The following PLPPR1 variants were observed in gnomAD, a reference collection of about 807,000 sequenced individuals.
The protein encoded by PLPPR1 is phospholipid phosphatase-related protein type 1.
Under a neutral mutation model 33.1 loss-of-function variants are expected in PLPPR1, and 10 were observed. The ratio of observed to expected loss-of-function variants is 0.30; its 90% CI spans 0.19 to 0.51. PLPPR1 has a LOEUF of 0.51. Ranked by LOEUF, PLPPR1 falls within the 20% of genes least tolerant of loss-of-function variation. PLPPR1 has a pLI of 0.97. For missense variants in PLPPR1, 304 were observed against 408.1 expected (o/e 0.74, Z 2.20); for synonymous variants, 151 against 151.0 (o/e 1.00, Z 0.00).
chr9:101,089,085 C>G (rs1490759269), intron 1 of PLPPR1, among the ~76,000 whole-genome samples: 2 of 152,100 alleles, frequency 1.3e-5, no homozygotes, highest in Admixed American at 1.3e-4. Flanking sequence ...TTCTAGGAGA[C>G]TGGCGTATAA....
At chr9:101,183,691 TTGTGTGTGTGTGTGTGTG>T (rs66895172) in intron 1 of PLPPR1, among the ~76,000 whole-genome samples, 110,198 of 150,194 alleles carry the variant, frequency 0.73, 41,072 homozygotes, top group Non-Finnish European at 0.81. Flanking sequence ...TCCCGTCTCT[TTGTGTGTGTGTGTGTGTG>T]TGTGTGTGTG....
At chr9:101,239,235 A>C (rs574592035) in intron 2 of PLPPR1, among the ~76,000 whole-genome samples, 1 of 152,060 alleles carries the variant, frequency 6.6e-6, no homozygotes, top group African/African-American at 2.4e-5. Context: ...ATGAATACCC[A>C]GTAGTGGGAT....
chr9:101,227,746 A>T (rs1305575689), intron 2 of PLPPR1, among the ~76,000 whole-genome samples: 1 of 152,102 alleles, frequency 6.6e-6, no homozygotes, highest in Non-Finnish European at 1.5e-5. Flanking sequence ...TATTCAGAAG[A>T]TGTGAAGTTT....
intron 1 of PLPPR1, among the ~76,000 whole-genome samples, chr9:101,075,409 C>T (rs1830524034): frequency 6.6e-6 from 1 of 152,188 alleles, no homozygotes; most frequent in Admixed American, 6.5e-5. Flanking sequence ...AATGAACATT[C>T]CACCAGCTTT....
intron 1 of PLPPR1, among the ~76,000 whole-genome samples, chr9:101,183,511 T>C (rs1826153279): frequency 6.6e-6 from 1 of 151,738 alleles, no homozygotes; most frequent in Admixed American, 6.6e-5. Flanking sequence ...AAGGAGTTGA[T>C]GGTGGGAATT....
At chr9:101,242,178 A>C (rs1004507366) in intron 2 of PLPPR1, among the ~76,000 whole-genome samples, 1 of 151,660 alleles carries the variant, frequency 6.6e-6, no homozygotes, top group Non-Finnish European at 1.5e-5. Context: ...TGAGTGAGTG[A>C]CTTTGGAGTG....
At chr9:101,154,298 C>T (rs374369701) in intron 1 of PLPPR1, among the ~76,000 whole-genome samples, 1,544 of 152,216 alleles carry the variant, frequency 0.01, 25 homozygotes, top group African/African-American at 0.029. Flanking sequence ...CCAGCTCCTC[C>T]TTGTACCTCT....
At chr9:101,267,844 G>T (rs377394297) in intron 2 of PLPPR1, among the ~76,000 whole-genome samples, 2 of 152,000 alleles carry the variant, frequency 1.3e-5, no homozygotes, top group African/African-American at 4.8e-5. Context: ...TTCCTCTTTG[G>T]TATCTCTGTT....
At chr9:101,134,372 C>A (rs2118619124) in intron 1 of PLPPR1, among the ~76,000 whole-genome samples, 1 of 146,938 alleles carries the variant, frequency 6.8e-6, no homozygotes, top group African/African-American at 2.4e-5. Flanking sequence ...ATATTGTGGT[C>A]TGTAAGAACA....
intron 4 of PLPPR1, among the ~76,000 whole-genome samples, chr9:101,293,774 T>C (rs1014105903): frequency 6.6e-6 from 1 of 151,822 alleles, no homozygotes; most frequent in Non-Finnish European, 1.5e-5. Context: ...AGACACAACA[T>C]ACCAGAATCT....
chr9:101,290,830 C>T (rs182269149), intron 4 of PLPPR1, among the ~76,000 whole-genome samples: 1 of 152,334 alleles, frequency 6.6e-6, no homozygotes, highest in Admixed American at 6.5e-5. Context: ...AGGAACAGCT[C>T]CAGTCTACAG....
intron 1 of PLPPR1, among the ~76,000 whole-genome samples, chr9:101,044,208 G>T (rs1220261616): frequency 1.3e-5 from 2 of 152,090 alleles, no homozygotes; most frequent in African/African-American, 4.8e-5. Context: ...CAAAAAATAG[G>T]CTAAGGAAAT....
intron 2 of PLPPR1, among the ~76,000 whole-genome samples, chr9:101,238,828 G>A (rs1230027468): frequency 6.6e-6 from 1 of 151,732 alleles, no homozygotes; most frequent in African/African-American, 2.4e-5. Context: ...CAGAACACCA[G>A]AAGTCATTCC....
chr9:101,164,236 C>T (rs1825815642), intron 1 of PLPPR1, among the ~76,000 whole-genome samples: 1 of 152,104 alleles, frequency 6.6e-6, no homozygotes, highest in South Asian at 2.1e-4. Context: ...AACCTGGGCA[C>T]TCTGCTTAAA....
At position 101,312,848 on chromosome 9, in the gene PLPPR1, G is replaced by A. The variant is rs767313674; in HGVS notation, c.687G>A (p.Pro229=). Residue 229 remains proline (P), a synonymous_variant, in exon 6 of 8, where the codon CCG becomes CCA. Coordinates refer to ENST00000374874, the MANE Select transcript of PLPPR1 (RefSeq NM_207299.2). The part of the protein sequence containing the change: ...IKTKSSRLAK[P]VLCLGTLCTA... ...CGAAGAGCAGTCGACTGGCCAAGCC[G>A]GTGCTGTGCCTCGGAACTCTCTGCA... 1.6e-5 allele frequency: 26 copies of A among 1,614,042 alleles called. No homozygotes were observed. The highest frequency in any genetic ancestry group is 6.7e-5 in the East Asian group (3 of 44,878).
At chr9:101,112,687 G>T (rs1831071514) in intron 1 of PLPPR1, among the ~76,000 whole-genome samples, 1 of 152,188 alleles carries the variant, frequency 6.6e-6, no homozygotes, top group African/African-American at 2.4e-5. Flanking sequence ...GGAAATGTGG[G>T]AATGAGGAAT....
chr9:101,135,939 A>G (rs112890041), intron 1 of PLPPR1, among the ~76,000 whole-genome samples: 1 of 152,342 alleles, frequency 6.6e-6, no homozygotes, highest in African/African-American at 2.4e-5. Context: ...TTAGATGGCT[A>G]TGCTGGGAAG....
Position 101,035,455 on chromosome 9 carries a change from T to G in PLPPR1, c.-46+6353T>G, listed in dbSNP as rs149492300. On this transcript the variant is annotated intron_variant, in intron 1 of 7. Coordinates refer to ENST00000374874, the MANE Select transcript of PLPPR1 (RefSeq NM_207299.2). ...ACTTCTTACAGTTACCCCCATGAGA[T>G]TTTTCTTTTTACCTTCAGGCCTTTC... 2.5e-3 allele frequency among the ~76,000 whole-genome samples: 376 copies of G among 152,242 alleles called. 1 individual carries two copies. The highest frequency in any genetic ancestry group is 8.8e-3 in the African/African-American group (366 of 41,554).
chr9:101,178,857 C>T (rs149392473), intron 1 of PLPPR1, among the ~76,000 whole-genome samples: 2,238 of 152,252 alleles, frequency 0.015, 23 homozygotes, highest in Non-Finnish European at 0.023. Context: ...TCACCATCAC[C>T]CCTAGTGATC....
Sources: gnomAD v4.1 joint callset for allele counts (sites outside exome capture counted in the v4.1 genomes callset) on GRCh38, gnomAD v4.1.1 for gene constraint, MANE v1.5 for transcripts, NCBI Gene and HGNC (gene_info 2026-07-23, HGNC 2026-07-21) for gene names.